The following HDAC4 variants were observed in gnomAD, a reference collection of about 807,000 sequenced individuals.
HDAC4 encodes the protein histone deacetylase 4, also known as histone deacetylase A.
A neutral mutation model predicts 135.1 loss-of-function variants in HDAC4; 16 were observed. That is an observed-to-expected ratio of 0.12 (90% CI 0.08 to 0.18). The LOEUF is 0.18. Ranked by LOEUF, HDAC4 falls within the 10% of genes least tolerant of loss-of-function variation. The probability of loss-of-function intolerance (pLI) is 1.00; values close to 1 mark genes in which losing one functional copy is unlikely to be tolerated. For missense variants in HDAC4, 1,143 were observed against 1,511.8 expected, an observed-to-expected ratio of 0.76 and a Z score of 4.05; for synonymous variants, 685 against 653.4, an observed-to-expected ratio of 1.05 and a Z score of -0.74.
intron 12 of HDAC4, among the ~76,000 whole-genome samples, chr2:239,120,607 G>A (rs1295090814): frequency 7.2e-6 from 1 of 139,420 alleles, no homozygotes; most frequent in African/African-American, 2.6e-5. Context: ...GGAGGGAAAT[G>A]GGGGGGCGGG....
In HDAC4 at chr2:239,054,812, C is replaced by T. The variant is rs199775066; in HGVS notation, c.3025G>A (p.Val1009Ile). The T allele has an allele frequency of 9.4e-5, 152 of 1,612,484 alleles. 2 individuals are homozygous for T. In the South Asian group the frequency reaches 1.6e-3, roughly 17 times the overall value. The change falls in exon 25 of 27, where the codon GTT becomes ATT. Residue 1009 changes from valine to isoleucine, a missense_variant. Physicochemically the swap from Val to Ile is conservative, Grantham distance 29. Coordinates refer to ENST00000543185, the MANE Select transcript of HDAC4 (RefSeq NM_001378414.1). ...GNELDPLPEK[V>I]LQQRPNANAV... ...TTTGCATTGGGTCTTTGCTGTAAAA[C>T]CTTTTCTGGGAGAGGATCAAGCTGG... is the stretch of plus-strand genomic sequence containing the variant.
rs541407193 is a variant in HDAC4 at position 239,265,268 on chromosome 2, G to A, written c.23-28604C>T. On this transcript the variant is annotated intron_variant, in intron 2 of 26. Transcript: ENST00000543185. ...CACAGCCTCTGACAGTACTCCAGAGGCATCACAGATGAAGTCATAAAACCC... is the reference window on the plus strand; with the variant it reads ...CACAGCCTCTGACAGTACTCCAGAGACATCACAGATGAAGTCATAAAACCC... 1.6e-4 allele frequency among the ~76,000 whole-genome samples: 24 copies of A among 152,334 alleles called. 1 individual carries two copies. The South Asian group carries it at 4.8e-3, about 30-fold the overall frequency.
In HDAC4 at chr2:239,104,213, C is replaced by T. The variant is rs143585288; in HGVS notation, c.2113-1317G>A. On this transcript the variant is annotated intron_variant, in intron 15 of 26. Transcript: ENST00000543185. ...GTGCAGTTGGGGCCCTGGGCGGCTG[C>T]GGGGGCTTCTAATTTATTTTATTTT... Among the ~76,000 whole-genome samples, 226 of 152,208 alleles carry T rather than the reference C, an allele frequency of 1.5e-3. 2 individuals are homozygous for T. The highest frequency in any genetic ancestry group is 5.4e-3 in the African/African-American group (223 of 41,538).
At chr2:239,178,084 T>C (rs1031148157) in intron 4 of HDAC4, among the ~76,000 whole-genome samples, 2 of 152,278 alleles carry the variant, frequency 1.3e-5, no homozygotes, top group South Asian at 2.1e-4. Context: ...TGCACACACT[T>C]TCCTCGGCTT....
intron 3 of HDAC4, among the ~76,000 whole-genome samples, chr2:239,222,375 T>C (rs1411257575): frequency 6.6e-6 from 1 of 152,118 alleles, no homozygotes; most frequent in African/African-American, 2.4e-5. Context: ...TTGTTCTATA[T>C]CCCCAGGAAG....
intron 3 of HDAC4, among the ~76,000 whole-genome samples, chr2:239,220,018 C>T (rs1363538236): frequency 3.9e-5 from 6 of 152,200 alleles, no homozygotes; most frequent in Non-Finnish European, 7.3e-5. Flanking sequence ...AGATAGGCCT[C>T]GAACCTCTTA....
At chr2:239,284,224 A>G (rs2051000504) in intron 2 of HDAC4, among the ~76,000 whole-genome samples, 1 of 152,214 alleles carries the variant, frequency 6.6e-6, no homozygotes, top group Non-Finnish European at 1.5e-5. Context: ...GCCCAGCTAC[A>G]GGGAGCCGAC....
rs779640900 is a variant in HDAC4 at position 239,108,010 on chromosome 2, C to T, written c.2112+40G>A. 32 of 1,609,406 alleles carry T rather than the reference C, an allele frequency of 2.0e-5. No individual in the cohort carries two copies. In the East Asian group the frequency reaches 6.9e-4, roughly 35 times the overall value. On this transcript the variant is annotated intron_variant, in intron 15 of 26. Transcript: ENST00000543185. ...CCCACGAGGGTCCCCTCTAATGGTG[C>T]CCAAAGCCGCAGCTGCCCACCTGCC...
At chr2:239,368,462 C>T (rs1158517406) in intron 1 of HDAC4, among the ~76,000 whole-genome samples, 1 of 152,200 alleles carries the variant, frequency 6.6e-6, no homozygotes, top group Non-Finnish European at 1.5e-5. Flanking sequence ...GGCAGCAGAA[C>T]AGCTTCTTGA....
At chr2:239,083,943 G>A (rs570477548) in intron 20 of HDAC4, among the ~76,000 whole-genome samples, 1 of 152,220 alleles carries the variant, frequency 6.6e-6, no homozygotes, top group African/African-American at 2.4e-5. Flanking sequence ...TTTTAGACAC[G>A]CCAGGACCCC....
rs1008366255 is a variant in HDAC4, at chr2:239,240,584, G to A, written c.23-3920C>T. ...AGCAGGTTCCCCCTTATCTGTCTCC[G>A]CTTGAGAATCTATTTTTGGAAACCC... is the stretch of plus-strand genomic sequence containing the variant. On this transcript the variant is annotated intron_variant, in intron 2 of 26. Coordinates refer to ENST00000543185, the MANE Select transcript of HDAC4 (RefSeq NM_001378414.1). This position sits in a 1 kb window ranked among gnomAD's most constrained non-coding sequence, Gnocchi z 4.5. 2.0e-5 allele frequency among the ~76,000 whole-genome samples: 3 copies of A among 152,238 alleles called. No individual in the cohort carries two copies. Among genetic ancestry groups the A allele is most frequent in the Middle Eastern group, 3.4e-3 (1 of 294 alleles).
At chr2:239,226,725 C>G (rs746531218) in intron 3 of HDAC4, among the ~76,000 whole-genome samples, 6 of 152,156 alleles carry the variant, frequency 3.9e-5, no homozygotes, top group Admixed American at 6.5e-5. Context: ...GATGGAGAAA[C>G]TTTCTATCTT....
intron 1 of HDAC4, among the ~76,000 whole-genome samples, chr2:239,358,522 C>T (rs1253876573): frequency 6.6e-6 from 1 of 152,174 alleles, no homozygotes; most frequent in Non-Finnish European, 1.5e-5. Context: ...GAACTGTGTT[C>T]GGACCCAATC....
intron 21 of HDAC4, 32 bp downstream of exon 21, chr2:239,082,070 T>C (rs763089535): frequency 4.3e-6 from 7 of 1,612,300 alleles, no homozygotes; most frequent in South Asian, 1.1e-5. Flanking sequence ...AGTCCCCCTT[T>C]CCCCCCAGAG....
chr2:239,329,728 G>C (rs1691431053), intron 2 of HDAC4, among the ~76,000 whole-genome samples: 1 of 152,210 alleles, frequency 6.6e-6, no homozygotes, highest in Non-Finnish European at 1.5e-5. Flanking sequence ...GCCTGGGCTG[G>C]GCTACAAAGG....
chr2:239,297,551 T>G (rs188034803), intron 2 of HDAC4, among the ~76,000 whole-genome samples: 31 of 152,352 alleles, frequency 2.0e-4, no homozygotes, highest in African/African-American at 5.5e-4. Context: ...GTGCTGCGGT[T>G]TCCTTAACGG....
chr2:239,081,218 C>A, intron 21 of HDAC4, 26 bp from the exon 22 acceptor site: 1 of 1,584,712 alleles, frequency 6.3e-7, no homozygotes, highest in Non-Finnish European at 8.6e-7. Flanking sequence ...GAGAAACACA[C>A]GTCATGGACC....
chr2:239,079,271 G>GT (rs2035062468), intron 22 of HDAC4, among the ~76,000 whole-genome samples: 4 of 152,246 alleles, frequency 2.6e-5, no homozygotes, highest in Admixed American at 2.6e-4. Flanking sequence ...CTGATCAAGA[G>GT]TAAGAAGAAA....
chr2:239,311,265 C>T (rs1434451334), intron 2 of HDAC4, among the ~76,000 whole-genome samples: 1 of 152,184 alleles, frequency 6.6e-6, no homozygotes, highest in African/African-American at 2.4e-5. Context: ...CTCCACGTGT[C>T]CCCTGCTGTG....
Sources: allele counts gnomAD v4.1 joint callset (sites outside exome capture counted in the v4.1 genomes callset), GRCh38; gene constraint gnomAD v4.1.1; non-coding constraint Gnocchi (gnomAD v3.1); transcripts MANE v1.5; gene names NCBI Gene and HGNC (gene_info 2026-07-23, HGNC 2026-07-21).